The following ADAMTSL1 variants were observed in gnomAD, a reference collection of about 807,000 sequenced individuals.
ADAMTSL1 encodes the protein ADAMTS-like protein 1.
ADAMTSL1 carries 126 observed loss-of-function variants against 201.8 expected under a neutral mutation model. The observed-to-expected ratio is 0.62, with a 90% CI of 0.54 to 0.72. ADAMTSL1 has a LOEUF of 0.72. ADAMTSL1 is among the 30% of genes least tolerant of loss of function. The pLI, the probability that ADAMTSL1 is intolerant of heterozygous loss-of-function variation, is 0.00. For synonymous variants in ADAMTSL1, 1,121 were observed against 903.4 expected, an observed-to-expected ratio of 1.24 and a Z score of -4.32; for missense variants, 2,679 against 2,277.8, an observed-to-expected ratio of 1.18 and a Z score of -3.59.
chr9:18,853,921 G>GCA lies in ADAMTSL1; in HGVS notation c.4249+23945_4249+23946insAC, dbSNP rs1554648790. Among the ~76,000 whole-genome samples the GCA allele has an allele frequency of 4.5e-4, 69 of 152,026 alleles. 1 individual carries two copies. In the South Asian group the frequency reaches 7.9e-3, roughly 17 times the overall value. The stretch of plus-strand genomic sequence containing the variant: ...TGTGTGTGTGTGTGTGTGTGTGTGC[G>GCA]CGTGCATGCAAATAGTTGATTATAA... On this transcript the variant is annotated intron_variant, in intron 23 of 28. Transcript: ENST00000380548.
chr9:18,763,181 C>G (rs900006327), intron 16 of ADAMTSL1, among the ~76,000 whole-genome samples: 2 of 152,126 alleles, frequency 1.3e-5, no homozygotes, highest in Non-Finnish European at 2.9e-5. Context: ...TATTGCCTGT[C>G]TTTTTGATAA....
chr9:18,069,547 C>A (rs1237512674), intron 1 of ADAMTSL1, among the ~76,000 whole-genome samples: 1 of 152,124 alleles, frequency 6.6e-6, no homozygotes, highest in African/African-American at 2.4e-5. Flanking sequence ...GGTTACAACC[C>A]ATTAACTTGA....
chr9:18,812,395 C>G (rs1179059274), intron 20 of ADAMTSL1, among the ~76,000 whole-genome samples: 1 of 152,142 alleles, frequency 6.6e-6, no homozygotes, highest in Non-Finnish European at 1.5e-5. Context: ...GCTTTGACCT[C>G]TTATCTAAAT....
intron 15 of ADAMTSL1, among the ~76,000 whole-genome samples, chr9:18,738,289 T>A (rs771912929): frequency 6.6e-6 from 1 of 152,176 alleles, no homozygotes; most frequent in East Asian, 1.9e-4. Flanking sequence ...TTGAGTATGA[T>A]AATGCAGTTA....
chr9:17,987,180 C>G (rs1818962659), intron 1 of ADAMTSL1, among the ~76,000 whole-genome samples: 1 of 152,032 alleles, frequency 6.6e-6, no homozygotes, highest in South Asian at 2.1e-4. Flanking sequence ...ATTTAGGAAT[C>G]TAAAGTAATG....
At chr9:18,717,091 G>T (rs1281763321) in intron 14 of ADAMTSL1, among the ~76,000 whole-genome samples, 8 of 147,394 alleles carry the variant, frequency 5.4e-5, no homozygotes, top group East Asian at 4.0e-4. Flanking sequence ...GTGGTGGGGT[G>T]GGGGGACGGG....
chr9:17,993,634 C>T (rs1322835255), intron 1 of ADAMTSL1, among the ~76,000 whole-genome samples: 1 of 152,138 alleles, frequency 6.6e-6, no homozygotes, highest in Non-Finnish European at 1.5e-5. Context: ...TTTTAGTTAA[C>T]ATTCCTTGCA....
chr9:18,564,197 T>C (rs1821729320), intron 3 of ADAMTSL1, among the ~76,000 whole-genome samples: 1 of 152,202 alleles, frequency 6.6e-6, no homozygotes, highest in Admixed American at 6.5e-5. Context: ...GGGAAGAGCA[T>C]ACTGGCTGGG....
At chr9:18,780,053 G>T (rs7037899) in intron 19 of ADAMTSL1, among the ~76,000 whole-genome samples, 28,493 of 152,134 alleles carry the variant, frequency 0.19, 3,116 homozygotes, top group East Asian at 0.48. Flanking sequence ...CTCAGCCTTT[G>T]CCTGCAGGGA....
chr9:18,071,174 A>G (rs892868997), intron 1 of ADAMTSL1, among the ~76,000 whole-genome samples: 10 of 152,344 alleles, frequency 6.6e-5, no homozygotes, highest in Middle Eastern at 6.8e-3. Flanking sequence ...GGGGGACGGC[A>G]TGTCCCCAAG....
At chr9:18,271,702 G>T (rs1338117807) in intron 2 of ADAMTSL1, among the ~76,000 whole-genome samples, 1 of 152,142 alleles carries the variant, frequency 6.6e-6, no homozygotes, top group Non-Finnish European at 1.5e-5. Flanking sequence ...GTAATGGGAT[G>T]GCTGGGTCAA....
chr9:18,021,893 G>A (rs1409381934), intron 1 of ADAMTSL1, among the ~76,000 whole-genome samples: 1 of 152,092 alleles, frequency 6.6e-6, no homozygotes, highest in East Asian at 1.9e-4. Flanking sequence ...GAACTGGCCT[G>A]GTAGTTAATG....
At chr9:18,195,459 G>T (rs1263098527) in intron 2 of ADAMTSL1, among the ~76,000 whole-genome samples, 1 of 152,118 alleles carries the variant, frequency 6.6e-6, no homozygotes, top group Admixed American at 6.6e-5. Flanking sequence ...TAGGGTCAAG[G>T]CTAAGTTCCA....
intron 21 of ADAMTSL1, among the ~76,000 whole-genome samples, chr9:18,823,826 T>C (rs1345845561): frequency 6.6e-6 from 1 of 152,138 alleles, no homozygotes; most frequent in African/African-American, 2.4e-5. Context: ...CTGTCTCCAC[T>C]AAAAATACAA....
At chr9:18,662,695 C>A (rs1829178420) in intron 9 of ADAMTSL1, among the ~76,000 whole-genome samples, 1 of 152,170 alleles carries the variant, frequency 6.6e-6, no homozygotes, top group Non-Finnish European at 1.5e-5. Context: ...TGATTATTTG[C>A]TTTTTGGAAA....
intron 21 of ADAMTSL1, among the ~76,000 whole-genome samples, chr9:18,819,213 TG>T (rs1220305823): frequency 1.3e-5 from 2 of 152,050 alleles, no homozygotes; most frequent in Non-Finnish European, 2.9e-5. Context: ...CACAGCACTT[TG>T]GGGGGCCAAG....
intron 4 of ADAMTSL1, among the ~76,000 whole-genome samples, chr9:18,612,619 G>A (rs1451967337): frequency 6.6e-6 from 1 of 152,132 alleles, no homozygotes; most frequent in Non-Finnish European, 1.5e-5. Context: ...AAGCAATGGG[G>A]AAAGGATTCC....
At chr9:18,469,272 A>G (rs112910992), upstream of ADAMTSL1, among the ~76,000 whole-genome samples, 1,109 of 152,270 alleles carry the variant, frequency 7.3e-3, 17 homozygotes, top group African/African-American at 0.026. Flanking sequence ...CTTAGTGGTT[A>G]TGAACACAGA....
intron 2 of ADAMTSL1, among the ~76,000 whole-genome samples, chr9:18,449,255 G>T (rs999588284): frequency 6.6e-6 from 1 of 150,970 alleles, no homozygotes; most frequent in East Asian, 1.9e-4. Flanking sequence ...TAGTTTATCA[G>T]CTAGCAACTC....
Sources: gnomAD v4.1 joint callset for allele counts (sites outside exome capture counted in the v4.1 genomes callset) on GRCh38, gnomAD v4.1.1 for gene constraint, MANE v1.5 for transcripts, NCBI Gene and HGNC (gene_info 2026-07-23, HGNC 2026-07-21) for gene names.